The following KCNJ1 variants were observed in gnomAD, a reference collection of about 807,000 sequenced individuals.
KCNJ1 encodes the protein potassium inwardly rectifying channel subfamily J member 1, also known as ATP-sensitive inward rectifier potassium channel 1.
Under a neutral mutation model 21.9 loss-of-function variants are expected in KCNJ1, and 24 were observed. The observed-to-expected ratio is 1.10, with a 90% CI of 0.79 to 1.54. The LOEUF (loss-of-function observed/expected upper bound fraction) is 1.54. Ranked by LOEUF, KCNJ1 falls within the 40% of genes most tolerant of loss-of-function variation. KCNJ1 has a pLI of 0.00. For missense variants in KCNJ1, 457 were observed against 455.4 expected, an observed-to-expected ratio of 1.00 and a Z score of -0.03; for synonymous variants, 152 against 160.9, an observed-to-expected ratio of 0.94 and a Z score of 0.42.
intron 1 of KCNJ1, among the ~76,000 whole-genome samples, chr11:128,861,748 T>C (rs1184404799): frequency 1.3e-5 from 2 of 152,072 alleles, no homozygotes; most frequent in African/African-American, 4.8e-5. Flanking sequence ...GAAAGATAGA[T>C]GCAGGCTCCG....
At position 128,838,822 on chromosome 11, in the gene KCNJ1, G is replaced by A; in HGVS notation, c.*303C>T. ...TGTTTGGCCTGTTCATGAAACTTTT[G>A]ATAATTTTATCTGCTCCAATCCACC... On this transcript the variant is annotated 3_prime_UTR_variant, in exon 3 of 3. Coordinates refer to ENST00000392666, the MANE Select transcript of KCNJ1 (RefSeq NM_153766.3). 5.7e-6 allele frequency: 2 copies of A among 351,460 alleles called. No individual in the cohort carries two copies. The highest frequency in any genetic ancestry group is 8.2e-5 in the South Asian group (2 of 24,314). The allele number at this position is 351,460 out of a possible 1,614,324, so 21.8% of individuals were successfully genotyped here.
Position 128,839,844 on chromosome 11 carries a change from A to ATTGT in KCNJ1, c.399_400insACAA (p.Cys134ThrfsTer64). The ATTGT allele has an allele frequency of 5.6e-6, 9 of 1,614,196 alleles. No individual in the cohort carries two copies. Among genetic ancestry groups the ATTGT allele is most frequent in the Non-Finnish European group, 7.6e-6 (9 of 1,180,004 alleles). ...ATAAGCAGAAAAATGGCAGTGGCAC[A>ATTGT]CTGTTCTGTCACACACCTGAATCCA... On this transcript the variant is annotated frameshift_variant, in exon 3 of 3. Transcript: ENST00000392666. LOFTEE classifies it high-confidence loss of function.
chr11:128,851,271 T>C (rs1591413520), intron 1 of KCNJ1, among the ~76,000 whole-genome samples: 2 of 152,378 alleles, frequency 1.3e-5, no homozygotes, highest in African/African-American at 2.4e-5. Context: ...TTGAAATCAC[T>C]GTATACTCTC....
chr11:128,848,688 G>A (rs1348468030), intron 2 of KCNJ1, among the ~76,000 whole-genome samples: 2 of 152,118 alleles, frequency 1.3e-5, no homozygotes, highest in African/African-American at 4.8e-5. Flanking sequence ...AGCACCCTAG[G>A]GGACAGGAGA....
intron 1 of KCNJ1, among the ~76,000 whole-genome samples, chr11:128,865,616 C>A (rs1214227775): frequency 6.6e-6 from 1 of 152,130 alleles, no homozygotes; most frequent in East Asian, 1.9e-4. Context: ...AGGCCAGAAG[C>A]AATTCCACTG....
chr11:128,856,781 C>A (rs1463490220), intron 1 of KCNJ1, among the ~76,000 whole-genome samples: 1 of 152,108 alleles, frequency 6.6e-6, no homozygotes, highest in Non-Finnish European at 1.5e-5. Context: ...TCTTTCTACA[C>A]AATATAGTCA....
chr11:128,857,518 G>T (rs1327598784), intron 1 of KCNJ1, among the ~76,000 whole-genome samples: 1 of 152,228 alleles, frequency 6.6e-6, no homozygotes, highest in Non-Finnish European at 1.5e-5. Context: ...GGCTGGGAGT[G>T]CCACAAGTGC....
chr11:128,853,545 TG>T (rs980593192), intron 1 of KCNJ1, among the ~76,000 whole-genome samples: 1 of 152,158 alleles, frequency 6.6e-6, no homozygotes, highest in African/African-American at 2.4e-5. Context: ...CAGGTTCTTT[TG>T]GGGGTGATGA....
chr11:128,846,391 C>A (rs1274205464), intron 2 of KCNJ1, among the ~76,000 whole-genome samples: 1 of 152,152 alleles, frequency 6.6e-6, no homozygotes, highest in African/African-American at 2.4e-5. Flanking sequence ...AAATTTCAAA[C>A]TAGCATGGCA....
In KCNJ1 at chr11:128,863,633, C is replaced by T. The variant is rs187304535; in HGVS notation, c.-192+3540G>A. Among the ~76,000 whole-genome samples the T allele has an allele frequency of 8.5e-5, 13 of 152,256 alleles. No homozygotes were observed. In the East Asian group the frequency reaches 2.5e-3, roughly 29 times the overall value. On this transcript the variant is annotated intron_variant, in intron 1 of 2. Transcript: ENST00000392666. ...AATGAGTGAGCTGGATTTGATGAGG[C>T]TTTACAATGATTGTTCAAAATTAGT...
At chr11:128,843,483 A>G (rs1943324311) in intron 2 of KCNJ1, among the ~76,000 whole-genome samples, 1 of 152,196 alleles carries the variant, frequency 6.6e-6, no homozygotes, top group Non-Finnish European at 1.5e-5. Context: ...TTCTTGTTCT[A>G]TAAACAATCC....
At position 128,852,273 on chromosome 11, in the gene KCNJ1, A is replaced by G. The variant is rs554424543; in HGVS notation, c.-191-1383T>C. Among the ~76,000 whole-genome samples, 13 of 152,340 alleles carry G rather than the reference A, an allele frequency of 8.5e-5. No individual in the cohort carries two copies. In the East Asian group the frequency reaches 2.5e-3, roughly 29 times the overall value. On this transcript the variant is annotated intron_variant, in intron 1 of 2. Coordinates refer to ENST00000392666, the MANE Select transcript of KCNJ1 (RefSeq NM_153766.3). ...TGCCATGCATTGAATGAAAGGAGGCAATCTTGTCCCTATCTGTGAGGCCTT... is the reference window on the plus strand; with the variant it reads ...TGCCATGCATTGAATGAAAGGAGGCGATCTTGTCCCTATCTGTGAGGCCTT...
rs2135939151 is a variant in KCNJ1 at position 128,839,026 on chromosome 11, C to T, written c.*99G>A. ...TGTGCTGGTAGACTTTGAAGGCTCT[C>T]ATCCTACTTTCGTACCCCTAAATTG... On this transcript the variant is annotated 3_prime_UTR_variant, in exon 3 of 3. Coordinates refer to ENST00000392666, the MANE Select transcript of KCNJ1 (RefSeq NM_153766.3). 4 of 1,070,738 alleles carry T rather than the reference C, an allele frequency of 3.7e-6. No homozygotes were observed. The highest frequency in any genetic ancestry group is 1.3e-5 in the South Asian group (1 of 75,472). The allele number at this position is 1,070,738 out of a possible 1,614,324, so 66.3% of individuals were successfully genotyped here. A position where few individuals can be genotyped will look rare whatever the true frequency, so the allele number is the denominator to read the frequency against.
intron 1 of KCNJ1, among the ~76,000 whole-genome samples, chr11:128,852,313 T>A (rs1591414203): frequency 1.3e-5 from 2 of 152,346 alleles, no homozygotes; most frequent in East Asian, 3.9e-4. Context: ...CCTGGGCTGC[T>A]CTTGCTACTG....
chr11:128,864,510 A>G (rs1943782503), intron 1 of KCNJ1, among the ~76,000 whole-genome samples: 1 of 151,844 alleles, frequency 6.6e-6, no homozygotes, highest in Admixed American at 6.6e-5. Context: ...GTTCATGATG[A>G]TTTCTGAACC....
At position 128,854,584 on chromosome 11, in the gene KCNJ1, C is replaced by T. The variant is rs570209399; in HGVS notation, c.-191-3694G>A. Among the ~76,000 whole-genome samples, 35 of 152,238 alleles carry T rather than the reference C, an allele frequency of 2.3e-4. No homozygotes were observed. The South Asian group carries it at 7.0e-3, about 31-fold the overall frequency. On this transcript the variant is annotated intron_variant, in intron 1 of 2. Transcript: ENST00000392666. ...TGCTTTCTTGGGTGACAACAGGGCACAGAGTTGTGTTGAGTCTACATTCAA... is the reference window on the plus strand; with the variant it reads ...TGCTTTCTTGGGTGACAACAGGGCATAGAGTTGTGTTGAGTCTACATTCAA...
intron 1 of KCNJ1, among the ~76,000 whole-genome samples, chr11:128,863,720 G>T (rs1943759662): frequency 1.3e-5 from 2 of 152,166 alleles, no homozygotes; most frequent in Non-Finnish European, 2.9e-5. Flanking sequence ...TGACAGCTAA[G>T]GACCTTAATA....
In KCNJ1 at chr11:128,861,744, T is replaced by C. The variant is rs529533389; in HGVS notation, c.-192+5429A>G. 1.8e-4 allele frequency among the ~76,000 whole-genome samples: 28 copies of C among 152,214 alleles called. No individual in the cohort carries two copies. The East Asian group carries it at 2.5e-3, about 14-fold the overall frequency. ...GCCACCGGAACCCCTCCCAGAAAGA[T>C]AGATGCAGGCTCCGTGTCTGTAGAA... On this transcript the variant is annotated intron_variant, in intron 1 of 2. Transcript: ENST00000392666.
In KCNJ1 at chr11:128,843,165, C is replaced by T. The variant is rs140931584; in HGVS notation, c.-21-2901G>A. On this transcript the variant is annotated intron_variant, in intron 2 of 2. Transcript: ENST00000392666. ...CAATGATACAGGATAAATTCATCCA[C>T]TAACCAAAACTGTCATTCACATGGC... is the stretch of plus-strand genomic sequence containing the variant. Among the ~76,000 whole-genome samples, 1,119 of 152,310 alleles carry T rather than the reference C, an allele frequency of 7.3e-3. 11 individuals are homozygous for T. Among genetic ancestry groups the T allele is most frequent in the African/African-American group, 0.025 (1,039 of 41,550 alleles).
Sources: allele counts gnomAD v4.1 joint callset (sites outside exome capture counted in the v4.1 genomes callset), GRCh38; gene constraint gnomAD v4.1.1; transcripts MANE v1.5; gene names NCBI Gene and HGNC (gene_info 2026-07-23, HGNC 2026-07-21).